Variants in KCNH1 observed in about 807,000 individuals in gnomAD.
The protein encoded by KCNH1 is potassium voltage-gated channel subfamily H member 1.
In KCNH1, 27 loss-of-function variants were observed where a neutral mutation model predicts 69.2. That is an observed-to-expected ratio of 0.39 (90% CI 0.29 to 0.54). The LOEUF (loss-of-function observed/expected upper bound fraction) is 0.54. Ranked by LOEUF, KCNH1 falls within the 20% of genes least tolerant of loss-of-function variation. The pLI, the probability that KCNH1 is intolerant of heterozygous loss-of-function variation, is 0.68. For missense variants in KCNH1, 798 were observed against 1,261.6 expected (o/e 0.63, Z 5.57); for synonymous variants, 456 against 487.7 (o/e 0.93, Z 0.86).
chr1:211,134,025 G>C lies in KCNH1; in HGVS notation c.-80C>G. The C allele has an allele frequency of 7.8e-7, 1 of 1,283,286 alleles. No individual in the cohort carries two copies. Among genetic ancestry groups the C allele is most frequent in the South Asian group, 1.2e-5 (1 of 80,620 alleles). 79.5% of individuals were successfully genotyped at this position (1,283,286 alleles called of 1,614,324 possible). On this transcript the variant is annotated 5_prime_UTR_variant, in exon 1 of 11. Transcript: ENST00000271751. The surrounding 1 kb of genome is among the most constrained non-coding windows in gnomAD (Gnocchi z 5.7). ...AGGAAACTGGCCTCGGGGCCCGCAC[G>C]CAGTCCCGGCTCGAAGCGCCCCATG...
chr1:210,934,394 T>A (rs34618120), intron 6 of KCNH1, among the ~76,000 whole-genome samples: 2 of 152,028 alleles, frequency 1.3e-5, no homozygotes, highest in African/African-American at 2.4e-5. Flanking sequence ...GTGGCTCACG[T>A]CTGTAATTCC....
chr1:210,880,964 A>T (rs1316273897), intron 7 of KCNH1, among the ~76,000 whole-genome samples: 1 of 152,166 alleles, frequency 6.6e-6, no homozygotes. Context: ...TAAGCATATA[A>T]AAAGATATTC....
intron 9 of KCNH1, among the ~76,000 whole-genome samples, chr1:210,783,066 A>G (rs929187710): frequency 3.3e-5 from 5 of 152,270 alleles, no homozygotes; most frequent in African/African-American, 1.2e-4. Flanking sequence ...TAGGGGTTCA[A>G]TAAATAGTAG....
chr1:210,842,561 T>C (rs1685433438), intron 7 of KCNH1, among the ~76,000 whole-genome samples: 1 of 152,206 alleles, frequency 6.6e-6, no homozygotes, highest in Admixed American at 6.5e-5. Context: ...GGTTAGATCC[T>C]TTAATCATGG....
At chr1:210,725,175 T>C (rs540609851) in intron 10 of KCNH1, among the ~76,000 whole-genome samples, 6 of 152,318 alleles carry the variant, frequency 3.9e-5, no homozygotes, top group African/African-American at 1.4e-4. Context: ...GTGAAACTGC[T>C]GTTGATAATG....
At chr1:210,905,886 C>T (rs930719758) in intron 7 of KCNH1, among the ~76,000 whole-genome samples, 1 of 152,172 alleles carries the variant, frequency 6.6e-6, no homozygotes, top group African/African-American at 2.4e-5. Flanking sequence ...ACACTGTTTG[C>T]TCAAAGCAGT....
intron 9 of KCNH1, among the ~76,000 whole-genome samples, chr1:210,788,909 G>T (rs548975365): frequency 4.7e-5 from 7 of 148,530 alleles, no homozygotes; most frequent in Non-Finnish European, 1.0e-4. Context: ...TTTTAGCCGG[G>T]ATGGTCTCGA....
chr1:211,099,705 C>T (rs777617442), intron 3 of KCNH1, among the ~76,000 whole-genome samples: 26 of 152,140 alleles, frequency 1.7e-4, no homozygotes, highest in Non-Finnish European at 3.8e-4. Context: ...CATTCACCTC[C>T]TCACTCCTCA....
chr1:211,026,753 T>A lies in KCNH1; in HGVS notation c.559-7497A>T, dbSNP rs74670903. 4.3e-3 allele frequency among the ~76,000 whole-genome samples: 647 copies of A among 152,176 alleles called. 17 individuals are homozygous for A. Among genetic ancestry groups the A allele is most frequent in the Admixed American group, 0.029 (443 of 15,272 alleles). On this transcript the variant is annotated intron_variant, in intron 5 of 10. Coordinates refer to ENST00000271751, the MANE Select transcript of KCNH1 (RefSeq NM_172362.3). Reference sequence around the variant, plus strand: ...TGGTCAGAGGAAGCCTAGTGGAGAGTTGGGATTTCCACCACTGCCCAGCAG... The same window carrying A: ...TGGTCAGAGGAAGCCTAGTGGAGAGATGGGATTTCCACCACTGCCCAGCAG...
intron 5 of KCNH1, among the ~76,000 whole-genome samples, chr1:211,024,271 T>C (rs1689641499): frequency 6.6e-6 from 1 of 152,180 alleles, no homozygotes; most frequent in Non-Finnish European, 1.5e-5. Context: ...TGATAAAATA[T>C]GACTTGAGTA....
At chr1:210,757,692 A>G (rs1182693346) in intron 10 of KCNH1, among the ~76,000 whole-genome samples, 2 of 152,236 alleles carry the variant, frequency 1.3e-5, no homozygotes, top group African/African-American at 4.8e-5. Context: ...ATGCTACCTC[A>G]GTGGTACCAT....
At chr1:211,002,058 T>C (rs1689192710) in intron 6 of KCNH1, among the ~76,000 whole-genome samples, 1 of 151,880 alleles carries the variant, frequency 6.6e-6, no homozygotes, top group Admixed American at 6.6e-5. Flanking sequence ...ATATACCTAA[T>C]GTAAATGATG....
intron 7 of KCNH1, among the ~76,000 whole-genome samples, chr1:210,909,935 T>A (rs975303336): frequency 3.9e-5 from 6 of 152,206 alleles, no homozygotes; most frequent in Non-Finnish European, 7.3e-5. Flanking sequence ...AAGTAAAAAA[T>A]CAAGTCTGCA....
intron 5 of KCNH1, among the ~76,000 whole-genome samples, chr1:211,078,031 C>T (rs1571628748): frequency 6.6e-6 from 1 of 151,866 alleles, no homozygotes; most frequent in African/African-American, 2.4e-5. Flanking sequence ...AAGGCCATTA[C>T]ATAATGGTAA....
chr1:211,037,912 C>T (rs970774358), intron 5 of KCNH1, among the ~76,000 whole-genome samples: 9 of 151,414 alleles, frequency 5.9e-5, no homozygotes, highest in African/African-American at 1.7e-4. Context: ...ATAAGTCTCA[C>T]GAGATTTGAT....
chr1:210,843,807 T>C (rs1246711295), intron 7 of KCNH1, among the ~76,000 whole-genome samples: 1 of 152,202 alleles, frequency 6.6e-6, no homozygotes, highest in African/African-American at 2.4e-5. Flanking sequence ...CATCTACTCT[T>C]AGAGCACAGA....
chr1:210,973,673 T>C (rs546037015), intron 6 of KCNH1, among the ~76,000 whole-genome samples: 233 of 152,294 alleles, frequency 1.5e-3, no homozygotes, highest in African/African-American at 5.1e-3. Flanking sequence ...AGTTTAACTA[T>C]AGCAAACTTA....
At chr1:210,967,369 T>C (rs1197757511) in intron 6 of KCNH1, among the ~76,000 whole-genome samples, 2 of 151,878 alleles carry the variant, frequency 1.3e-5, no homozygotes, top group Non-Finnish European at 2.9e-5. Flanking sequence ...AAAGATACCC[T>C]CTGCTATGCA....
At chr1:211,051,318 G>C (rs1690201143) in intron 5 of KCNH1, among the ~76,000 whole-genome samples, 3 of 152,132 alleles carry the variant, frequency 2.0e-5, no homozygotes, top group Admixed American at 2.0e-4. Context: ...AATTCTGCCT[G>C]TGTGGGCCCT....
Sources: gnomAD v4.1 joint callset for allele counts (sites outside exome capture counted in the v4.1 genomes callset) on GRCh38, gnomAD v4.1.1 for gene constraint, Gnocchi (gnomAD v3.1) non-coding constraint, MANE v1.5 for transcripts, NCBI Gene and HGNC (gene_info 2026-07-23, HGNC 2026-07-21) for gene names.